The following KCNT1 variants were observed in gnomAD, a reference collection of about 807,000 sequenced individuals.
The protein encoded by KCNT1 is potassium channel subfamily T member 1.
In KCNT1, 78 loss-of-function variants were observed where a neutral mutation model predicts 147.8. The ratio of observed to expected loss-of-function variants is 0.53; its 90% CI spans 0.44 to 0.64. The LOEUF (loss-of-function observed/expected upper bound fraction) is 0.64. Ranked by LOEUF, KCNT1 falls within the 30% of genes least tolerant of loss-of-function variation. The pLI is 0.00. For synonymous variants in KCNT1, 867 were observed against 748.8 expected (o/e 1.16, Z -2.58); for missense variants, 1,419 against 1,750.3 (o/e 0.81, Z 3.38).
chr9:135,777,969 G>GC (rs1833300246), intron 21 of KCNT1, among the ~76,000 whole-genome samples: 1 of 97,684 alleles, frequency 1.0e-5, no homozygotes. Flanking sequence ...CAGTTCCTCT[G>GC]TCTCCCAGCT....
chr9:135,792,008 A>G, intron 30 of KCNT1, 33 bp from the exon 31 acceptor site: 2 of 1,602,772 alleles, frequency 1.2e-6, no homozygotes, highest in Non-Finnish European at 1.7e-6. Flanking sequence ...CCCGGCCCAC[A>G]TCCACTCCAG....
At chr9:135,763,612 G>A (rs1832061318) in intron 11 of KCNT1, among the ~76,000 whole-genome samples, 1 of 152,182 alleles carries the variant, frequency 6.6e-6, no homozygotes, top group Admixed American at 6.5e-5. Context: ...CCCTGGGGCT[G>A]CTTCTACGGT....
intron 2 of KCNT1, among the ~76,000 whole-genome samples, chr9:135,734,536 C>T (rs933066278): frequency 2.0e-5 from 3 of 152,126 alleles, no homozygotes; most frequent in Admixed American, 1.3e-4. Flanking sequence ...CCAGGCGGCA[C>T]CTGCTGCAGC....
At chr9:135,785,464 CCACGGATGTGTCGGCCCCAG>C in intron 28 of KCNT1, 134 bp downstream of exon 28, 1 of 1,123,890 alleles carries the variant, frequency 8.9e-7, no homozygotes, top group Non-Finnish European at 1.3e-6. Flanking sequence ...GGAGCGGGTC[CCACGGATGTGTCGGCCCCAG>C]CACGGCTCAG....
chr9:135,748,002 C>T (rs1005573869), intron 2 of KCNT1, among the ~76,000 whole-genome samples: 5 of 152,122 alleles, frequency 3.3e-5, no homozygotes, highest in African/African-American at 1.2e-4. Flanking sequence ...GGTGCAGTGG[C>T]GTGTTGACGG....
At chr9:135,755,051 C>T (rs1831393668) in intron 5 of KCNT1, 70 bp from the exon 6 acceptor site, 5 of 1,449,404 alleles carry the variant, frequency 3.4e-6, no homozygotes, top group Middle Eastern at 1.8e-4. Context: ...GTTATGGCCC[C>T]AGCCCCAGGG....
At chr9:135,765,504 C>T in intron 12 of KCNT1, 120 bp from the exon 13 acceptor site, 5 of 1,162,762 alleles carry the variant, frequency 4.3e-6, no homozygotes, top group Non-Finnish European at 6.0e-6. Context: ...CCACCAGATG[C>T]AAGATCACAG....
Position 135,786,393 on chromosome 9 carries a change from G to C in KCNT1, c.3374G>C (p.Gly1125Ala), listed in dbSNP as rs1316682933. 5 of 1,574,032 alleles carry C rather than the reference G, an allele frequency of 3.2e-6. No individual in the cohort carries two copies. The highest frequency in any genetic ancestry group is 8.6e-7 in the Non-Finnish European group (1 of 1,160,608). ...RLSRKAPKQAGRAAAAEWISQ... is the reference protein window; with the variant it reads ...RLSRKAPKQAARAAAAEWISQ... ...AGCCGCAAGGCGCCCAAGCAGGCAG[G>C]CCGGGCGGCGGCCGCGGAGTGGATC... Residue 1125 changes from glycine to alanine, a missense_variant, in exon 29 of 31, where the codon GGC becomes GCC. Gly to Ala is a moderately conservative substitution (Grantham distance 60, BLOSUM62 0). Around this residue, in one of 5 missense-constraint regions of KCNT1, gnomAD observed 306 missense variants for 294.2 expected, o/e 1.04. Transcript: ENST00000371757.
chr9:135,762,191 C>T (rs1831959772), intron 11 of KCNT1, among the ~76,000 whole-genome samples: 1 of 152,188 alleles, frequency 6.6e-6, no homozygotes, highest in African/African-American at 2.4e-5. Flanking sequence ...TGCCTGTAAC[C>T]CCAGTACTTT....
intron 12 of KCNT1, 101 bp from the exon 13 acceptor site, chr9:135,765,523 A>T: frequency 7.7e-7 from 1 of 1,291,600 alleles, no homozygotes; most frequent in Non-Finnish European, 1.1e-6. Context: ...AGTGAGCTCT[A>T]GGGCCCAGAG....
At chr9:135,742,056 C>G (rs1830593254) in intron 2 of KCNT1, among the ~76,000 whole-genome samples, 1 of 152,194 alleles carries the variant, frequency 6.6e-6, no homozygotes, top group African/African-American at 2.4e-5. Context: ...TCTGGGACAA[C>G]TGGGGCCAGG....
At chr9:135,703,911 C>T (rs77415077) in intron 1 of KCNT1, among the ~76,000 whole-genome samples, 2,761 of 152,330 alleles carry the variant, frequency 0.018, 87 homozygotes, top group African/African-American at 0.063. Flanking sequence ...ACTGAGCTGG[C>T]CTCCGTTGCA....
chr9:135,764,351 T>TCAGGAGGTTGAGG (rs1431126599), intron 11 of KCNT1, among the ~76,000 whole-genome samples: 4 of 152,036 alleles, frequency 2.6e-5, no homozygotes, highest in Non-Finnish European at 5.9e-5. Context: ...TCCCAGCTAC[T>TCAGGAGGTTGAGG]CAGGAGGTTG....
At chr9:135,718,767 G>T (rs981801164) in intron 2 of KCNT1, among the ~76,000 whole-genome samples, 1 of 152,218 alleles carries the variant, frequency 6.6e-6, no homozygotes, top group African/African-American at 2.4e-5. Flanking sequence ...AGGTGGGCGG[G>T]CAGGACTCGG....
chr9:135,788,299 C>T (rs1020783431), intron 29 of KCNT1: 24 of 772,820 alleles, frequency 3.1e-5, no homozygotes, highest in South Asian at 7.5e-5. Context: ...TCAGCCCAGG[C>T]GGCCCTGTTG....
At chr9:135,775,027 C>T (rs1833065877) in intron 19 of KCNT1, among the ~76,000 whole-genome samples, 1 of 152,184 alleles carries the variant, frequency 6.6e-6, no homozygotes, top group Non-Finnish European at 1.5e-5. Flanking sequence ...GCATGGGTGC[C>T]CTGGGCACTG....
chr9:135,770,089 A>C, intron 16 of KCNT1, 34 bp downstream of exon 16: 1 of 1,520,260 alleles, frequency 6.6e-7, no homozygotes, highest in Non-Finnish European at 8.9e-7. Context: ...ACCGACCTCC[A>C]TGGCGGGGCC....
At chr9:135,731,957 CGTGTATATATATAT>C (rs1444872758) in intron 2 of KCNT1, among the ~76,000 whole-genome samples, 2 of 44,882 alleles carry the variant, frequency 4.5e-5, no homozygotes, top group African/African-American at 1.5e-4. Context: ...TTCAAATATG[CGTGTATATATATAT>C]ATATATATAT....
intron 2 of KCNT1, among the ~76,000 whole-genome samples, chr9:135,729,657 C>T (rs565757522): frequency 3.9e-5 from 6 of 152,188 alleles, no homozygotes; most frequent in South Asian, 2.1e-4. Flanking sequence ...AAGTTTCCAC[C>T]GTCTGCACGT....
Sources: gnomAD v4.1 joint callset for allele counts (sites outside exome capture counted in the v4.1 genomes callset) on GRCh38, gnomAD v4.1.1 for gene constraint, gnomAD v4.1.1 regional missense constraint, MANE v1.5 for transcripts, NCBI Gene and HGNC (gene_info 2026-07-23, HGNC 2026-07-21) for gene names.